Variants in TTC7B observed in about 807,000 individuals in gnomAD.
TTC7B encodes tetratricopeptide repeat protein 7B.
Under a neutral mutation model 106.8 loss-of-function variants are expected in TTC7B, and 28 were observed. The observed-to-expected ratio is 0.26, with a 90% CI of 0.19 to 0.36. The LOEUF (loss-of-function observed/expected upper bound fraction) is 0.36. TTC7B is among the 10% of genes least tolerant of loss of function. The pLI, the probability that TTC7B is intolerant of heterozygous loss-of-function variation, is 1.00. For synonymous variants in TTC7B, 405 were observed against 430.6 expected, an observed-to-expected ratio of 0.94 and a Z score of 0.74; for missense variants, 862 against 1,076.4, an observed-to-expected ratio of 0.80 and a Z score of 2.79.
chr14:90,727,692 G>A (rs1214763658), intron 5 of TTC7B, among the ~76,000 whole-genome samples: 8 of 152,210 alleles, frequency 5.3e-5, no homozygotes, highest in Non-Finnish European at 7.3e-5. Flanking sequence ...CTAAAAAGCT[G>A]AGTATACATT....
At chr14:90,797,655 A>G (rs151173852) in intron 1 of TTC7B, among the ~76,000 whole-genome samples, 3 of 152,222 alleles carry the variant, frequency 2.0e-5, no homozygotes, top group African/African-American at 7.2e-5. Context: ...GCAATGTAGC[A>G]ATTTCTACAA....
chr14:90,702,231 T>TTTAACTGTACCCACCTCA (rs1888020851), intron 5 of TTC7B, among the ~76,000 whole-genome samples: 2 of 152,206 alleles, frequency 1.3e-5, no homozygotes, highest in Admixed American at 1.3e-4. Flanking sequence ...ACCCACCTCA[T>TTTAACTGTACCCACCTCA]TTAACCATAC....
chr14:90,567,218 C>T (rs1890836217), intron 19 of TTC7B, among the ~76,000 whole-genome samples: 1 of 152,222 alleles, frequency 6.6e-6, no homozygotes, highest in Non-Finnish European at 1.5e-5. Flanking sequence ...ACCTTGGCAA[C>T]ATGAGTGCCA....
intron 9 of TTC7B, among the ~76,000 whole-genome samples, chr14:90,672,178 A>C (rs1393384049): frequency 2.0e-5 from 3 of 152,218 alleles, no homozygotes; most frequent in Non-Finnish European, 1.5e-5. Flanking sequence ...AGAAGGAAGG[A>C]AAGCACAAGG....
At chr14:90,594,783 C>T (rs535201189) in intron 17 of TTC7B, among the ~76,000 whole-genome samples, 1 of 152,208 alleles carries the variant, frequency 6.6e-6, no homozygotes, top group Non-Finnish European at 1.5e-5. Flanking sequence ...ATTTCAGTTG[C>T]GCTTTGGAAT....
At chr14:90,583,778 A>G (rs1714729135) in intron 18 of TTC7B, among the ~76,000 whole-genome samples, 1 of 152,212 alleles carries the variant, frequency 6.6e-6, no homozygotes, top group South Asian at 2.1e-4. Flanking sequence ...ATGTTCTCTT[A>G]GGAACCCTTG....
intron 19 of TTC7B, among the ~76,000 whole-genome samples, chr14:90,545,386 T>A (rs552958662): frequency 5.9e-5 from 9 of 152,320 alleles, no homozygotes; most frequent in African/African-American, 2.2e-4. Context: ...CTCCTTCCCA[T>A]GTTATGATGG....
intron 1 of TTC7B, among the ~76,000 whole-genome samples, chr14:90,810,653 A>G (rs984100852): frequency 1.3e-5 from 2 of 152,238 alleles, no homozygotes; most frequent in Admixed American, 6.5e-5. Context: ...CCCAACCACC[A>G]GAGCCCTAAA....
intron 1 of TTC7B, among the ~76,000 whole-genome samples, chr14:90,801,567 G>A (rs774980311): frequency 3.3e-5 from 5 of 152,084 alleles, no homozygotes; most frequent in Non-Finnish European, 2.9e-5. Flanking sequence ...GAGGTGAGGA[G>A]GAATAAAACC....
intron 5 of TTC7B, among the ~76,000 whole-genome samples, chr14:90,702,229 C>G (rs12887786): frequency 6.6e-6 from 1 of 152,074 alleles, no homozygotes; most frequent in Non-Finnish European, 1.5e-5. Flanking sequence ...GTACCCACCT[C>G]ATTTAACCAT....
At chr14:90,792,040 A>G (rs1439755524) in intron 1 of TTC7B, among the ~76,000 whole-genome samples, 1 of 152,188 alleles carries the variant, frequency 6.6e-6, no homozygotes, top group Non-Finnish European at 1.5e-5. Context: ...CAGAATTCCC[A>G]GAACCCAACT....
intron 16 of TTC7B, among the ~76,000 whole-genome samples, chr14:90,614,656 A>G (rs1286455): frequency 0.39 from 59,389 of 152,242 alleles, 13,318 homozygotes; most frequent in African/African-American, 0.63. Context: ...TCAATTGGAA[A>G]AACTTGGGCA....
intron 9 of TTC7B, among the ~76,000 whole-genome samples, chr14:90,661,666 C>T (rs918021752): frequency 1.3e-5 from 2 of 152,100 alleles, no homozygotes; most frequent in African/African-American, 4.8e-5. Context: ...CCCTACTCAA[C>T]CAATACATTG....
intron 1 of TTC7B, among the ~76,000 whole-genome samples, chr14:90,800,661 A>G (rs2030203041): frequency 6.6e-6 from 1 of 152,094 alleles, no homozygotes; most frequent in Non-Finnish European, 1.5e-5. Flanking sequence ...AATACAAAAA[A>G]TTAGCCGGGC....
intron 15 of TTC7B, among the ~76,000 whole-genome samples, chr14:90,633,141 G>A (rs899470351): frequency 2.6e-5 from 4 of 152,152 alleles, no homozygotes; most frequent in African/African-American, 9.7e-5. Context: ...TATAGTTATG[G>A]GTCAGAGAAA....
At chr14:90,816,110 G>C in intron 1 of TTC7B, 65 bp downstream of exon 1, 1 of 983,566 alleles carries the variant, frequency 1.0e-6, no homozygotes, top group Non-Finnish European at 1.2e-6. Flanking sequence ...GCCGCGCCTC[G>C]GGGGCCCGTT....
rs1889809167 is a variant in TTC7B, at chr14:90,742,493, C to G, written c.576+2299G>C. ...CCATCACACCCAGCCTTATTGAGCA[C>G]TTTCTCTAAGTAAGAGTGTGGAGAA... On this transcript the variant is annotated intron_variant, in intron 4 of 19. Transcript: ENST00000328459. The surrounding 1 kb of genome is among the most constrained non-coding windows in gnomAD (Gnocchi z 4.1). 6.6e-6 allele frequency among the ~76,000 whole-genome samples: 1 copy of G among 152,148 alleles called. No homozygotes were observed. Among genetic ancestry groups the G allele is most frequent in the Non-Finnish European group, 1.5e-5 (1 of 68,030 alleles).
intron 3 of TTC7B, among the ~76,000 whole-genome samples, chr14:90,760,623 G>A (rs1001061170): frequency 1.3e-5 from 2 of 152,218 alleles, no homozygotes; most frequent in African/African-American, 4.8e-5. Context: ...AACCCCAGGG[G>A]AAAGCTCTGT....
chr14:90,809,231 T>C (rs999097602), intron 1 of TTC7B, among the ~76,000 whole-genome samples: 2 of 152,248 alleles, frequency 1.3e-5, no homozygotes, highest in Non-Finnish European at 2.9e-5. Context: ...AGAGACTACT[T>C]CTTCCCTTTT....
Sources: gnomAD v4.1 joint callset for allele counts (sites outside exome capture counted in the v4.1 genomes callset) on GRCh38, gnomAD v4.1.1 for gene constraint, Gnocchi (gnomAD v3.1) non-coding constraint, MANE v1.5 for transcripts, NCBI Gene and HGNC (gene_info 2026-07-23, HGNC 2026-07-21) for gene names.